Variants in MRPL37 observed in about 807,000 individuals in gnomAD.
The protein encoded by MRPL37 is mitochondrial ribosomal protein L37, also known as large ribosomal subunit protein mL37.
In MRPL37, 34 loss-of-function variants were observed where a neutral mutation model predicts 44.1. That is an observed-to-expected ratio of 0.77 (90% confidence interval 0.59 to 1.03). The LOEUF is 1.03. Ranked by LOEUF, MRPL37 falls within the 50% of genes least tolerant of loss-of-function variation. The probability of loss-of-function intolerance (pLI) is 0.00; values close to 1 mark genes in which losing one functional copy is unlikely to be tolerated. For synonymous variants in MRPL37, 212 were observed against 219.5 expected (o/e 0.97, Z 0.30); for missense variants, 532 against 543.7 (o/e 0.98, Z 0.21).
At chr1:54,204,941 G>A (rs1461465377) in intron 1 of MRPL37, 77 bp from the exon 2 acceptor site, 2 of 1,503,782 alleles carry the variant, frequency 1.3e-6, no homozygotes, top group African/African-American at 2.8e-5. Context: ...TTACTAAGAT[G>A]CTACCTGGCA....
At chr1:54,217,579 T>C (rs1453820393) in intron 6 of MRPL37, among the ~76,000 whole-genome samples, 1 of 152,242 alleles carries the variant, frequency 6.6e-6, no homozygotes, top group Non-Finnish European at 1.5e-5. Flanking sequence ...TTCTATTGCA[T>C]GTGCTGGGCT....
At chr1:54,223,762 C>G (rs1644253502), downstream of MRPL37, among the ~76,000 whole-genome samples, 1 of 152,190 alleles carries the variant, frequency 6.6e-6, no homozygotes, top group African/African-American at 2.4e-5. Flanking sequence ...GGGCCGAAGC[C>G]CTATTTTGTG....
chr1:54,220,785 G>C (rs1186595807), downstream of MRPL37: 1 of 471,462 alleles, frequency 2.1e-6, no homozygotes, highest in Non-Finnish European at 4.4e-6. Context: ...TGCAGGGAGA[G>C]TGCTGCGCCG....
intron 1 of MRPL37, 121 bp from the exon 2 acceptor site, chr1:54,204,897 G>A (rs1644109557): frequency 5.9e-6 from 7 of 1,178,026 alleles, no homozygotes; most frequent in Non-Finnish European, 8.2e-6. Flanking sequence ...AGGTGTCACA[G>A]AACAAATCCA....
intron 3 of MRPL37, among the ~76,000 whole-genome samples, chr1:54,208,420 G>T (rs1327251941): frequency 6.6e-6 from 1 of 151,952 alleles, no homozygotes; most frequent in African/African-American, 2.4e-5. Flanking sequence ...ATGGTGATGG[G>T]CACCCATAGT....
intron 1 of MRPL37, 38 bp downstream of exon 1, chr1:54,200,627 T>A (rs750706290): frequency 3.8e-6 from 6 of 1,558,514 alleles, no homozygotes; most frequent in Non-Finnish European, 3.5e-6. Context: ...ACCGTGTTCC[T>A]CTAACCAGCA....
Position 54,217,272 on chromosome 1 carries a change from A to G in MRPL37, c.1195-900A>G, listed in dbSNP as rs1379629851. On this transcript the variant is annotated intron_variant, in intron 6 of 6. Transcript: ENST00000360840. ...GCTCTCAGTGCTGTTTCCACCTGAA[A>G]TGCCTGCTGGGTCTGTGCCCTTTGC... Among the ~76,000 whole-genome samples, 3 of 152,176 alleles carry G rather than the reference A, an allele frequency of 2.0e-5. No individual in the cohort carries two copies. In the East Asian group the frequency reaches 5.8e-4, roughly 29 times the overall value.
intron 6 of MRPL37, among the ~76,000 whole-genome samples, chr1:54,217,677 C>T (rs2100517197): frequency 6.6e-6 from 1 of 152,330 alleles, no homozygotes; most frequent in Middle Eastern, 3.4e-3. Flanking sequence ...GTCATTTCTT[C>T]CTGCTTTCTT....
chr1:54,225,207 T>G, downstream of MRPL37: 2 of 1,234,306 alleles, frequency 1.6e-6, no homozygotes, highest in Non-Finnish European at 2.0e-6. Flanking sequence ...CCCCAAATAT[T>G]TAAAGTGAGA....
rs762036316 is a variant in MRPL37, at chr1:54,218,236, A to C, written c.1259A>C (p.His420Pro). ...AGAAAGTTTTTAGCTCTATATTTGC[A>C]TGGTGCTGCGTGAGCGGAGGACCCC... ...TFRKFLALYL[H>P]GAA Residue 420 changes from histidine to proline, a missense_variant, in exon 7 of 7, where the codon CAT becomes CCT. Physicochemically the swap from His to Pro is moderately conservative, Grantham distance 77. Transcript: ENST00000360840. 6.2e-7 allele frequency: 1 copy of C among 1,614,190 alleles called. No individual in the cohort carries two copies. The highest frequency in any genetic ancestry group is 1.7e-5 in the Admixed American group (1 of 60,030).
In MRPL37 at chr1:54,216,345, G is replaced by T. The variant is rs1427798814; in HGVS notation, c.1194+1G>T. On this transcript the variant is annotated splice_donor_variant, in intron 6 of 6. Transcript: ENST00000360840. LOFTEE classifies it high-confidence loss of function. ...AGTGATCAAAAAGAGAGTGGTTGTG[G>T]TAAGTTGAGCCATCTCCTGCCTGAC... 2 of 1,613,702 alleles carry T rather than the reference G, an allele frequency of 1.2e-6. No individual in the cohort carries two copies. Among genetic ancestry groups the T allele is most frequent in the East Asian group, 2.2e-5 (1 of 44,864 alleles).
In MRPL37 at chr1:54,200,238, A is replaced by G. The variant is rs756007692; in HGVS notation, c.-6A>G. ...CAGGTGGAGGTCTTGAGGCTATCAG[A>G]TCGGTATGGCATTGGCGTCCGGGCC... On this transcript the variant is annotated 5_prime_UTR_variant, in exon 1 of 7. Transcript: ENST00000360840. The G allele has an allele frequency of 1.3e-6, 2 of 1,563,656 alleles. No individual in the cohort carries two copies. The highest frequency in any genetic ancestry group is 1.7e-6 in the Non-Finnish European group (2 of 1,159,990).
intron 3 of MRPL37, chr1:54,207,591 C>G (rs1644133258): frequency 6.6e-6 from 1 of 152,088 alleles, no homozygotes; most frequent in Non-Finnish European, 1.5e-5. Context: ...ATTAAACTAC[C>G]CCATTTGGAG....
intron 5 of MRPL37, among the ~76,000 whole-genome samples, chr1:54,213,572 CAG>C (rs1644178725): frequency 6.6e-6 from 1 of 151,986 alleles, no homozygotes; most frequent in Non-Finnish European, 1.5e-5. Context: ...AAAAAAAAAT[CAG>C]TGGTTCGTTC....
chr1:54,223,494 G>C (rs1644250384), downstream of MRPL37, among the ~76,000 whole-genome samples: 1 of 152,242 alleles, frequency 6.6e-6, no homozygotes, highest in Non-Finnish European at 1.5e-5. Flanking sequence ...ACCCCCGCTA[G>C]AGCCCTGCTC....
Position 54,205,093 on chromosome 1 carries a change from A to T in MRPL37, c.422A>T (p.Asp141Val). ...CCCGAGAAAGTGCTTAGCCTTGTTG[A>T]TGATCCAAGGAACCACATAGAGAAC... is the stretch of plus-strand genomic sequence containing the variant. ...GLPEKVLSLV[D>V]DPRNHIENQD... The change falls in exon 2 of 7, where the codon GAT (aspartate) becomes GTT (valine). Residue 141 changes from aspartate to valine, a missense_variant. By Grantham distance (152) the Asp-to-Val change is radical. Transcript: ENST00000360840. 2 of 1,614,090 alleles carry T rather than the reference A, an allele frequency of 1.2e-6. No homozygotes were observed. Among genetic ancestry groups the T allele is most frequent in the Non-Finnish European group, 1.7e-6 (2 of 1,180,026 alleles).
chr1:54,206,694 G>A (rs1644125266), intron 3 of MRPL37, among the ~76,000 whole-genome samples: 1 of 151,852 alleles, frequency 6.6e-6, no homozygotes, highest in African/African-American at 2.4e-5. Flanking sequence ...ACAGACATGA[G>A]CCACTGTTCC....
At chr1:54,209,245 A>G (rs1371015594) in intron 3 of MRPL37, among the ~76,000 whole-genome samples, 1 of 152,176 alleles carries the variant, frequency 6.6e-6, no homozygotes, top group East Asian at 1.9e-4. Flanking sequence ...TTCGCTCCCC[A>G]GAGACCATCA....
chr1:54,222,609 C>T (rs958272090), downstream of MRPL37, among the ~76,000 whole-genome samples: 2 of 152,138 alleles, frequency 1.3e-5, no homozygotes, highest in Non-Finnish European at 2.9e-5. Context: ...CTACTCACTG[C>T]TCTGTCGCCT....
Sources: allele counts gnomAD v4.1 joint callset (sites outside exome capture counted in the v4.1 genomes callset), GRCh38; gene constraint gnomAD v4.1.1; transcripts MANE v1.5; gene names NCBI Gene and HGNC (gene_info 2026-07-23, HGNC 2026-07-21).